The following TRIM55 variants were observed in gnomAD, a reference collection of about 807,000 sequenced individuals.
TRIM55 encodes tripartite motif containing 55.
Under a neutral mutation model 60.9 loss-of-function variants are expected in TRIM55, and 50 were observed. That is an observed-to-expected ratio of 0.82 (90% CI 0.65 to 1.04). The LOEUF (loss-of-function observed/expected upper bound fraction) is 1.04. TRIM55 is among the 50% of genes least tolerant of loss of function. TRIM55 has a pLI of 0.00. For missense variants in TRIM55, 681 were observed against 666.9 expected (o/e 1.02, Z -0.23); for synonymous variants, 237 against 238.1 (o/e 1.00, Z 0.04).
At chr8:66,164,021 A>T (rs1586249217) in intron 9 of TRIM55, among the ~76,000 whole-genome samples, 3 of 149,552 alleles carry the variant, frequency 2.0e-5, no homozygotes, top group Admixed American at 6.6e-5. Flanking sequence ...TTTTTTTTTT[A>T]AAGCAAAACT....
At chr8:66,119,987 G>A in the TRIM55 span, among the ~76,000 whole-genome samples, 1 of 152,162 alleles carries the variant, frequency 6.6e-6, no homozygotes, top group African/African-American at 2.4e-5. Flanking sequence ...AAGCATGGGT[G>A]TGGTGCAGCT....
At chr8:66,129,175 TCCA>T (rs1227286005) in intron 2 of TRIM55, among the ~76,000 whole-genome samples, 10 of 152,198 alleles carry the variant, frequency 6.6e-5, no homozygotes, top group Admixed American at 1.3e-4. Flanking sequence ...TATATATCTA[TCCA>T]TTCATTTTTA....
chr8:66,166,354 T>C (rs1291581348), intron 9 of TRIM55, among the ~76,000 whole-genome samples: 1 of 152,246 alleles, frequency 6.6e-6, no homozygotes, highest in Non-Finnish European at 1.5e-5. Flanking sequence ...GGAGCTGTTA[T>C]GACACAGCTA....
chr8:66,123,068 C>T (rs1808693222), upstream of TRIM55, among the ~76,000 whole-genome samples: 2 of 152,166 alleles, frequency 1.3e-5, no homozygotes, highest in Admixed American at 6.5e-5. Context: ...GCCTGCTACC[C>T]GGAAGCTTCT....
In TRIM55 at chr8:66,127,406, G is replaced by C; in HGVS notation, c.138G>C (p.Leu46=). 1.9e-6 allele frequency: 3 copies of C among 1,614,110 alleles called. No homozygotes were observed. Among genetic ancestry groups the C allele is most frequent in the Non-Finnish European group, 2.5e-6 (3 of 1,180,008 alleles). The change falls in exon 1 of 10, where the codon CTG becomes CTC. Residue 46 remains leucine, a synonymous_variant. Transcript: ENST00000315962. ...TGATTCTCCCTTGTCAGCACAACCTGTGTAGGAAATGTGCCAGTGATATTT... is the reference window on the plus strand; with the variant it reads ...TGATTCTCCCTTGTCAGCACAACCTCTGTAGGAAATGTGCCAGTGATATTT... The part of the protein sequence containing the change: ...PVVILPCQHN[L]CRKCASDIFQ...
intron 2 of TRIM55, among the ~76,000 whole-genome samples, chr8:66,130,885 T>C (rs887150133): frequency 6.6e-6 from 1 of 151,708 alleles, no homozygotes; most frequent in Non-Finnish European, 1.5e-5. Flanking sequence ...ATAGTCTCGA[T>C]CTCCTGACCT....
chr8:66,130,376 T>C (rs1365465448), intron 2 of TRIM55, among the ~76,000 whole-genome samples: 1 of 152,218 alleles, frequency 6.6e-6, no homozygotes, highest in East Asian at 1.9e-4. Flanking sequence ...ACAATTTTAC[T>C]TGGTAGCAAA....
chr8:66,166,318 A>G (rs779257425), intron 9 of TRIM55, among the ~76,000 whole-genome samples: 1 of 152,230 alleles, frequency 6.6e-6, no homozygotes, highest in Non-Finnish European at 1.5e-5. Flanking sequence ...AATTCTGTGA[A>G]CACAGCTCTG....
chr8:66,173,959 G>A (rs939743816), intron 9 of TRIM55, among the ~76,000 whole-genome samples: 1 of 151,982 alleles, frequency 6.6e-6, no homozygotes, highest in East Asian at 1.9e-4. Context: ...CTGTAGTTTT[G>A]TAAAAATTAT....
upstream of TRIM55, among the ~76,000 whole-genome samples, chr8:66,123,818 A>C (rs1428894596): frequency 6.6e-6 from 1 of 152,214 alleles, no homozygotes; most frequent in Non-Finnish European, 1.5e-5. Flanking sequence ...TGATTGCGCC[A>C]CTGCACTCCA....
rs974834607 is a variant in TRIM55 at position 66,154,191 on chromosome 8, C to A, written c.1381C>A (p.Pro461Thr). ...AGCCACCACCAACCCACCTTGCACC[C>A]CAGGGAGCGAAGGTCTGGGGCAAAT... Reference protein sequence around the residue: ...RKATTNPPCTPGSEGLGQIGP... With the variant: ...RKATTNPPCTTGSEGLGQIGP... The change falls in exon 9 of 10, where the codon CCA becomes ACA. Residue 461 changes from proline to threonine, a missense_variant. Coordinates refer to ENST00000315962, the MANE Select transcript of TRIM55 (RefSeq NM_184085.2). The A allele has an allele frequency of 6.2e-7, 1 of 1,613,992 alleles. No individual in the cohort carries two copies.
chr8:66,143,369 G>A (rs1809929432), intron 4 of TRIM55, among the ~76,000 whole-genome samples: 1 of 152,216 alleles, frequency 6.6e-6, no homozygotes, highest in African/African-American at 2.4e-5. Flanking sequence ...GCCAGGAACA[G>A]AGGGAAGCAC....
At chr8:66,123,146 G>A (rs555275167), upstream of TRIM55, among the ~76,000 whole-genome samples, 13 of 152,266 alleles carry the variant, frequency 8.5e-5, no homozygotes, top group African/African-American at 2.4e-4. Context: ...ATAAATTCCA[G>A]GTCCTTAGAT....
At chr8:66,127,488 C>T (rs778798720) in intron 1 of TRIM55, 52 bp downstream of exon 1, 8 of 1,587,762 alleles carry the variant, frequency 5.0e-6, no homozygotes, top group Non-Finnish European at 6.9e-6. Context: ...AGATTCCCTC[C>T]TCTTGGAATC....
chr8:66,143,440 C>G (rs755065824), intron 4 of TRIM55, among the ~76,000 whole-genome samples: 1 of 152,174 alleles, frequency 6.6e-6, no homozygotes, highest in Non-Finnish European at 1.5e-5. Context: ...AGAGTCTTGG[C>G]ACTGTAGAGT....
At chr8:66,118,625 C>CT in the TRIM55 span, among the ~76,000 whole-genome samples, 3 of 152,102 alleles carry the variant, frequency 2.0e-5, no homozygotes, top group Admixed American at 1.3e-4. Context: ...TTTGGAATAA[C>CT]TTTTAAAGTT....
Position 66,150,240 on chromosome 8 carries a change from G to T in TRIM55, c.860+1G>T. On this transcript the variant is annotated splice_donor_variant, in intron 6 of 9. Coordinates refer to ENST00000315962, the MANE Select transcript of TRIM55 (RefSeq NM_184085.2). LOFTEE classifies it high-confidence loss of function. ...AGAATGCCAAAACCCTGCTAAAAAA[G>T]TAAGAACTTTTTATTTTATGTAAAA... is the stretch of plus-strand genomic sequence containing the variant. 6.2e-7 allele frequency: 1 copy of T among 1,613,014 alleles called. No homozygotes were observed. The highest frequency in any genetic ancestry group is 8.5e-7 in the Non-Finnish European group (1 of 1,179,456).
intron 8 of TRIM55, among the ~76,000 whole-genome samples, chr8:66,153,535 A>C (rs892085566): frequency 9.2e-5 from 14 of 152,228 alleles, no homozygotes; most frequent in Non-Finnish European, 1.0e-4. Flanking sequence ...CTCTGTCTCC[A>C]CAGGAAACCA....
chr8:66,164,592 C>T (rs1811219322), intron 9 of TRIM55, among the ~76,000 whole-genome samples: 1 of 152,188 alleles, frequency 6.6e-6, no homozygotes, highest in Non-Finnish European at 1.5e-5. Context: ...ATAGTCCCTT[C>T]CCCTTTCCCA....
Sources: gnomAD v4.1 joint callset for allele counts (sites outside exome capture counted in the v4.1 genomes callset) on GRCh38, gnomAD v4.1.1 for gene constraint, MANE v1.5 for transcripts, NCBI Gene and HGNC (gene_info 2026-07-23, HGNC 2026-07-21) for gene names.